The following PPP1R21 variants were observed in gnomAD, a reference collection of about 807,000 sequenced individuals.
PPP1R21 encodes the protein KLRAQ motif containing 1.
In PPP1R21, 85 loss-of-function variants were observed where a neutral mutation model predicts 112.8. The observed-to-expected ratio is 0.75, with a 90% CI of 0.63 to 0.90. The LOEUF is 0.90. PPP1R21 is among the 40% of genes least tolerant of loss of function. The pLI is 0.00. For synonymous variants in PPP1R21, 381 were observed against 322.3 expected, an observed-to-expected ratio of 1.18 and a Z score of -1.95; for missense variants, 1,199 against 901.5, an observed-to-expected ratio of 1.33 and a Z score of -4.23.
chr2:48,478,490 T>C (rs1196450836), intron 12 of PPP1R21, among the ~76,000 whole-genome samples: 7 of 152,250 alleles, frequency 4.6e-5, no homozygotes, highest in Non-Finnish European at 1.0e-4. Flanking sequence ...TCTCCTTCAC[T>C]GTCTCTTTCA....
intron 1 of PPP1R21, 45 bp from the exon 2 acceptor site, chr2:48,450,963 A>G: frequency 2.6e-6 from 4 of 1,518,546 alleles, no homozygotes; most frequent in Middle Eastern, 1.7e-4. Context: ...TGATATAACC[A>G]ATTGCTTTAT....
chr2:48,474,076 T>G (rs1011013953), intron 11 of PPP1R21, among the ~76,000 whole-genome samples: 1 of 152,190 alleles, frequency 6.6e-6, no homozygotes, highest in Non-Finnish European at 1.5e-5. Flanking sequence ...TAATGATTTT[T>G]AACATTTAGA....
intron 17 of PPP1R21, among the ~76,000 whole-genome samples, chr2:48,503,216 A>G (rs576757296): frequency 6.6e-6 from 1 of 152,356 alleles, no homozygotes; most frequent in South Asian, 2.1e-4. Context: ...TAAAAATGAC[A>G]TTATCCTGAA....
At chr2:48,457,736 C>T (rs780029169) in intron 3 of PPP1R21, among the ~76,000 whole-genome samples, 7 of 151,970 alleles carry the variant, frequency 4.6e-5, no homozygotes, top group African/African-American at 7.3e-5. Flanking sequence ...TTAACAACTC[C>T]GACTCATGAA....
chr2:48,495,176 A>G (rs1669770929), intron 15 of PPP1R21, among the ~76,000 whole-genome samples: 1 of 152,172 alleles, frequency 6.6e-6, no homozygotes, highest in South Asian at 2.1e-4. Flanking sequence ...GTGACCATTT[A>G]TAATTGCTTT....
intron 17 of PPP1R21, among the ~76,000 whole-genome samples, chr2:48,503,342 T>C (rs574349935): frequency 6.6e-6 from 1 of 152,238 alleles, no homozygotes; most frequent in Non-Finnish European, 1.5e-5. Context: ...CATCCTGTTA[T>C]AAGAAACTCA....
intron 13 of PPP1R21, among the ~76,000 whole-genome samples, chr2:48,485,405 A>T (rs1669239513): frequency 6.6e-6 from 1 of 152,096 alleles, no homozygotes; most frequent in South Asian, 2.1e-4. Flanking sequence ...TTTCAAAAAT[A>T]TATTGAATGT....
chr2:48,442,364 A>T (rs188574685), intron 1 of PPP1R21, among the ~76,000 whole-genome samples: 1 of 152,356 alleles, frequency 6.6e-6, no homozygotes. Flanking sequence ...CCAGAAAGCC[A>T]GCAAGCTCAG....
chr2:48,473,580 T>A (rs767039289), intron 11 of PPP1R21, among the ~76,000 whole-genome samples: 1 of 152,242 alleles, frequency 6.6e-6, no homozygotes, highest in South Asian at 2.1e-4. Context: ...TTTGGGGGCA[T>A]TGGTTTAAAT....
At chr2:48,469,640 T>C (rs1668419133) in intron 9 of PPP1R21, among the ~76,000 whole-genome samples, 1 of 148,834 alleles carries the variant, frequency 6.7e-6, no homozygotes, top group South Asian at 2.1e-4. Context: ...TGTCCATTAT[T>C]GGAATTTTAT....
At chr2:48,441,758 G>T (rs1321506853) in intron 1 of PPP1R21, among the ~76,000 whole-genome samples, 2 of 152,156 alleles carry the variant, frequency 1.3e-5, no homozygotes, top group East Asian at 3.8e-4. Flanking sequence ...TCTGGGTAGG[G>T]TGTTTCTAGT....
intron 7 of PPP1R21, among the ~76,000 whole-genome samples, chr2:48,464,589 G>C (rs1668118778): frequency 6.6e-6 from 1 of 152,166 alleles, no homozygotes; most frequent in Admixed American, 6.5e-5. Flanking sequence ...TGGCGGCTTT[G>C]TGGAGGGTTA....
At chr2:48,505,851 T>G (rs750124514) in intron 18 of PPP1R21, among the ~76,000 whole-genome samples, 5 of 152,218 alleles carry the variant, frequency 3.3e-5, no homozygotes, top group Admixed American at 6.5e-5. Flanking sequence ...CATGGAGATT[T>G]GACAAGGTGT....
At chr2:48,492,222 A>G (rs1348899349) in intron 15 of PPP1R21, among the ~76,000 whole-genome samples, 1 of 152,214 alleles carries the variant, frequency 6.6e-6, no homozygotes, top group East Asian at 1.9e-4. Flanking sequence ...AGGTAACCAT[A>G]ATTATCAGTT....
At position 48,511,415 on chromosome 2, in the gene PPP1R21, G is replaced by A; in HGVS notation, c.2260G>A (p.Glu754Lys). 1 of 1,614,106 alleles carries A rather than the reference G, an allele frequency of 6.2e-7. No homozygotes were observed. The highest frequency in any genetic ancestry group is 1.1e-5 in the South Asian group (1 of 91,076). The part of the protein sequence containing the change: ...MMSDHLCSMN[E>K]TLSKQREEID... ...GAGTGACCACCTGTGCAGCATGAAT[G>A]AGACATTATCTAAACAGAGAGAAGA... The change falls in exon 21 of 22, where the codon GAG becomes AAG. Residue 754 changes from glutamate to lysine, a missense_variant. Transcript: ENST00000294952.
At chr2:48,454,984 T>G (rs895760280) in intron 3 of PPP1R21, among the ~76,000 whole-genome samples, 92 of 152,134 alleles carry the variant, frequency 6.0e-4, no homozygotes, top group Non-Finnish European at 3.1e-4. Flanking sequence ...AGTATAGGTG[T>G]GCACAACCAT....
In PPP1R21 at chr2:48,465,472, T is replaced by C. The variant is rs189442794; in HGVS notation, c.748-21T>C. On this transcript the variant is annotated intron_variant, in intron 8 of 21. Coordinates refer to ENST00000294952, the MANE Select transcript of PPP1R21 (RefSeq NM_001135629.3). ...TAATAATTTGAGAGTTGACCTTAACTATATATTTTTCATTTTAAAGCTGAA... is the reference window on the plus strand; with the variant it reads ...TAATAATTTGAGAGTTGACCTTAACCATATATTTTTCATTTTAAAGCTGAA... The C allele has an allele frequency of 3.9e-5, 62 of 1,598,604 alleles. No individual in the cohort carries two copies. In the Admixed American group the frequency reaches 5.5e-4, roughly 14 times the overall value.
In PPP1R21 at chr2:48,469,524, A is replaced by G. The variant is rs1294226597; in HGVS notation, c.898-1563A>G. On this transcript the variant is annotated intron_variant, in intron 9 of 21. Transcript: ENST00000294952. ...ATATATAGAGCATATATATATATAT[A>G]TATATATATATAGAGCATATATATA... Among the ~76,000 whole-genome samples, 3 of 109,236 alleles carry G rather than the reference A, an allele frequency of 2.7e-5. 1 individual carries two copies. The highest frequency in any genetic ancestry group is 5.4e-5 in the Non-Finnish European group (3 of 55,264). 71.7% of individuals were successfully genotyped at this position (109,236 alleles called of 152,430 possible).
At chr2:48,458,888 C>T (rs902618597) in intron 4 of PPP1R21, among the ~76,000 whole-genome samples, 11 of 152,012 alleles carry the variant, frequency 7.2e-5, no homozygotes, top group South Asian at 2.1e-4. Flanking sequence ...GTCAGGAGAT[C>T]GAGACCATCC....
Sources: gnomAD v4.1 joint callset for allele counts (sites outside exome capture counted in the v4.1 genomes callset) on GRCh38, gnomAD v4.1.1 for gene constraint, MANE v1.5 for transcripts, NCBI Gene and HGNC (gene_info 2026-07-23, HGNC 2026-07-21) for gene names.